The following GABRB1 variants were observed in gnomAD, a reference collection of about 807,000 sequenced individuals.
GABRB1 encodes gamma-aminobutyric acid type A receptor subunit beta1, also known as gamma-aminobutyric acid receptor subunit beta-1.
Under a neutral mutation model 51.6 loss-of-function variants are expected in GABRB1, and 17 were observed. The observed-to-expected ratio is 0.33, with a 90% CI of 0.23 to 0.49. The LOEUF is 0.49. Ranked by LOEUF, GABRB1 falls within the 20% of genes least tolerant of loss-of-function variation. GABRB1 has a pLI of 0.99. For synonymous variants in GABRB1, 247 were observed against 218.9 expected (o/e 1.13, Z -1.14); for missense variants, 410 against 600.6 (o/e 0.68, Z 3.32).
intron 5 of GABRB1, among the ~76,000 whole-genome samples, chr4:47,399,778 G>C (rs1263223554): frequency 6.6e-6 from 1 of 152,118 alleles, no homozygotes; most frequent in East Asian, 1.9e-4. Context: ...GATGTTCTGT[G>C]GGTGTCATTC....
intron 5 of GABRB1, among the ~76,000 whole-genome samples, chr4:47,376,973 T>C (rs1449779990): frequency 1.3e-5 from 2 of 152,210 alleles, no homozygotes; most frequent in Non-Finnish European, 2.9e-5. Flanking sequence ...TATAGCCCTT[T>C]ATTTTAATAC....
chr4:47,019,671 C>CTTTCTTTCT (rs1553909536), intron 1 of GABRB1, among the ~76,000 whole-genome samples: 6 of 136,682 alleles, frequency 4.4e-5, no homozygotes, highest in African/African-American at 1.4e-4. Flanking sequence ...TTCTTTCTTT[C>CTTTCTTTCT]TTTCTTTCCT....
intron 3 of GABRB1, among the ~76,000 whole-genome samples, chr4:47,146,255 G>A (rs187642754): frequency 6.6e-6 from 1 of 152,102 alleles, no homozygotes; most frequent in Non-Finnish European, 1.5e-5. Context: ...TAAAGTACCA[G>A]AAAGTAAAGA....
intron 3 of GABRB1, among the ~76,000 whole-genome samples, chr4:47,135,537 A>G (rs541974340): frequency 6.6e-6 from 1 of 152,178 alleles, no homozygotes; most frequent in East Asian, 1.9e-4. Flanking sequence ...TACCATTCTG[A>G]AATCTTATGT....
At chr4:47,017,018 C>T (rs964250459) in intron 1 of GABRB1, among the ~76,000 whole-genome samples, 8 of 152,130 alleles carry the variant, frequency 5.3e-5, no homozygotes, top group Non-Finnish European at 4.4e-5. Flanking sequence ...ACATAACAAA[C>T]TTTTAAAAGC....
At chr4:47,258,387 A>G (rs1424531549) in intron 4 of GABRB1, among the ~76,000 whole-genome samples, 1 of 152,154 alleles carries the variant, frequency 6.6e-6, no homozygotes, top group Non-Finnish European at 1.5e-5. Flanking sequence ...ATAAGTTTAG[A>G]TTATGTTCCT....
At chr4:47,400,541 T>C (rs1208444412) in intron 5 of GABRB1, among the ~76,000 whole-genome samples, 1 of 148,396 alleles carries the variant, frequency 6.7e-6, no homozygotes, top group East Asian at 1.9e-4. Flanking sequence ...TCTCTCTCTC[T>C]CTCTCTCTCT....
intron 3 of GABRB1, among the ~76,000 whole-genome samples, chr4:47,117,309 A>G (rs1715538086): frequency 6.6e-6 from 1 of 152,186 alleles, no homozygotes; most frequent in Admixed American, 6.5e-5. Flanking sequence ...ATCCCTATAT[A>G]ATATGCATCC....
At chr4:47,406,539 CT>C in intron 7 of GABRB1, 142 bp from the exon 8 acceptor site, 2 of 935,154 alleles carry the variant, frequency 2.1e-6, no homozygotes, top group Non-Finnish European at 3.2e-6. Flanking sequence ...AATATCTGCC[CT>C]TTTTGCCCAA....
chr4:47,042,255 T>C (rs1387893177), intron 3 of GABRB1, among the ~76,000 whole-genome samples: 1 of 151,142 alleles, frequency 6.6e-6, no homozygotes, highest in Non-Finnish European at 1.5e-5. Context: ...TACCTTATAC[T>C]TTAATCTGTA....
chr4:47,299,791 G>A (rs578079438), intron 4 of GABRB1, among the ~76,000 whole-genome samples: 4,287 of 152,066 alleles, frequency 0.028, 75 homozygotes, highest in African/African-American at 0.048. Flanking sequence ...ACATGCACAC[G>A]TATGTTTATT....
At chr4:47,259,963 G>A (rs1722363877) in intron 4 of GABRB1, among the ~76,000 whole-genome samples, 1 of 150,346 alleles carries the variant, frequency 6.7e-6, no homozygotes, top group Admixed American at 6.7e-5. Flanking sequence ...GGGAGTCTAA[G>A]TCTCTTTGTA....
rs914711997 is a variant in GABRB1 at position 47,412,888 on chromosome 4, C to T, written c.1080+5962C>T. Among the ~76,000 whole-genome samples, 5 of 152,288 alleles carry T rather than the reference C, an allele frequency of 3.3e-5. No homozygotes were observed. In the South Asian group the frequency reaches 6.2e-4, roughly 19 times the overall value. On this transcript the variant is annotated intron_variant, in intron 8 of 8. Transcript: ENST00000295454. Reference sequence around the variant, plus strand: ...AAAAAACTGGTTAAGGCTAGATGTGCCATTTGCATAGCATGTGAAAAAGCT... The same window carrying T: ...AAAAAACTGGTTAAGGCTAGATGTGTCATTTGCATAGCATGTGAAAAAGCT...
At chr4:46,993,830 G>A (rs1159566238) in exon 1 of GABRB1, 1 of 214,102 alleles carries the variant, frequency 4.7e-6, no homozygotes, top group African/African-American at 2.3e-5. Context: ...GACCCCAAGT[G>A]GGCTCCCCGC....
At chr4:47,313,547 C>A (rs940491838) in intron 4 of GABRB1, among the ~76,000 whole-genome samples, 1 of 152,000 alleles carries the variant, frequency 6.6e-6, no homozygotes, top group African/African-American at 2.4e-5. Flanking sequence ...TGCTTCTCAC[C>A]CAGAAGACAA....
rs879428694 is a variant in GABRB1, at chr4:47,051,958, G to A, written c.240+19474G>A. Among the ~76,000 whole-genome samples the A allele has an allele frequency of 1.5e-4, 23 of 151,950 alleles. No homozygotes were observed. The East Asian group carries it at 2.1e-3, about 14-fold the overall frequency. On this transcript the variant is annotated intron_variant, in intron 3 of 8. Coordinates refer to ENST00000295454, the MANE Select transcript of GABRB1 (RefSeq NM_000812.4). ...AGCCTGACCAATATGGTGAGAGCCC[G>A]TCTCTACTAAAAATACAAAAGTCAG...
At chr4:47,213,748 G>GCCATCTTCTGTTCATCATTCTGTTCA (rs1246695165) in intron 4 of GABRB1, among the ~76,000 whole-genome samples, 1 of 150,956 alleles carries the variant, frequency 6.6e-6, no homozygotes, top group African/African-American at 2.4e-5. Context: ...TCTGTTCATT[G>GCCATCTTCTGTTCATCATTCTGTTCA]TAAAATGTCT....
chr4:47,379,156 T>C (rs1727503251), intron 5 of GABRB1, among the ~76,000 whole-genome samples: 1 of 152,184 alleles, frequency 6.6e-6, no homozygotes, highest in Non-Finnish European at 1.5e-5. Flanking sequence ...CATACTATAG[T>C]ACATAGTATA....
At chr4:47,016,742 C>G (rs1214650583) in intron 1 of GABRB1, among the ~76,000 whole-genome samples, 2 of 152,022 alleles carry the variant, frequency 1.3e-5, no homozygotes, top group African/African-American at 4.8e-5. Context: ...GCGCCGACCA[C>G]CATGCCCAGG....
Sources: gnomAD v4.1 joint callset for allele counts (sites outside exome capture counted in the v4.1 genomes callset) on GRCh38, gnomAD v4.1.1 for gene constraint, MANE v1.5 for transcripts, NCBI Gene and HGNC (gene_info 2026-07-23, HGNC 2026-07-21) for gene names.